PCDH15: variants seen among roughly 807,000 people sequenced by gnomAD.
The protein encoded by PCDH15 is protocadherin-15.
In PCDH15, 129 loss-of-function variants were observed where a neutral mutation model predicts 178.5. That is an observed-to-expected ratio of 0.72 (90% CI 0.63 to 0.84). The LOEUF (loss-of-function observed/expected upper bound fraction) is 0.84. PCDH15 is among the 40% of genes least tolerant of loss of function. The pLI, the probability that PCDH15 is intolerant of heterozygous loss-of-function variation, is 0.00. For missense variants in PCDH15, 2,230 were observed against 2,099.9 expected (o/e 1.06, Z -1.21); for synonymous variants, 800 against 732.0 (o/e 1.09, Z -1.50).
At chr10:54,888,478 C>T (rs914507983) in intron 3 of PCDH15, among the ~76,000 whole-genome samples, 1 of 151,758 alleles carries the variant, frequency 6.6e-6, no homozygotes, top group African/African-American at 2.4e-5. Context: ...TATTTTGGTG[C>T]TATTACAAAT....
intron 2 of PCDH15, among the ~76,000 whole-genome samples, chr10:55,625,801 C>T (rs1837513954): frequency 6.6e-6 from 1 of 152,062 alleles, no homozygotes; most frequent in Non-Finnish European, 1.5e-5. Flanking sequence ...ACACACCTCT[C>T]AGATTTTTGT....
At chr10:54,146,536 G>C (rs989376187) in intron 14 of PCDH15, among the ~76,000 whole-genome samples, 1 of 151,638 alleles carries the variant, frequency 6.6e-6, no homozygotes, top group Non-Finnish European at 1.5e-5. Context: ...AATAACTTAA[G>C]TGTTTTTTAA....
intron 17 of PCDH15, among the ~76,000 whole-genome samples, chr10:54,073,259 TATAA>T (rs968369334): frequency 2.0e-5 from 3 of 150,726 alleles, no homozygotes; most frequent in Non-Finnish European, 4.4e-5. Context: ...GAACTATAGA[TATAA>T]ATATTTATAT....
chr10:55,440,781 A>G (rs1005408075), intron 2 of PCDH15, among the ~76,000 whole-genome samples: 4 of 152,170 alleles, frequency 2.6e-5, no homozygotes, highest in Non-Finnish European at 5.9e-5. Context: ...TTATAAAGAA[A>G]AAGTGGTTTA....
intron 2 of PCDH15, among the ~76,000 whole-genome samples, chr10:54,624,462 A>G (rs2093480444): frequency 6.6e-6 from 1 of 152,262 alleles, no homozygotes; most frequent in African/African-American, 2.4e-5. Flanking sequence ...ATAGCAAGAC[A>G]GATCTTAGTA....
intron 2 of PCDH15, among the ~76,000 whole-genome samples, chr10:55,467,578 A>G (rs1288495643): frequency 6.6e-6 from 1 of 152,124 alleles, no homozygotes; most frequent in African/African-American, 2.4e-5. Context: ...AGTTCCAGTA[A>G]GAGAATGGCA....
intron 1 of PCDH15, among the ~76,000 whole-genome samples, chr10:55,303,256 T>A (rs1843334227): frequency 6.6e-6 from 1 of 152,162 alleles, no homozygotes; most frequent in South Asian, 2.1e-4. Flanking sequence ...CGCAGCAAAG[T>A]GGGCATTCTT....
At chr10:53,876,198 G>GA (rs2080223606) in intron 26 of PCDH15, among the ~76,000 whole-genome samples, 1 of 145,466 alleles carries the variant, frequency 6.9e-6, no homozygotes, top group African/African-American at 2.5e-5. Flanking sequence ...TTGTTTTTTT[G>GA]TTTTTTTTTT....
intron 3 of PCDH15, among the ~76,000 whole-genome samples, chr10:54,422,797 C>A (rs755853387): frequency 6.6e-4 from 100 of 152,246 alleles, no homozygotes; most frequent in Non-Finnish European, 1.1e-3. Context: ...TTGATTTTGT[C>A]ATTGTCAGTT....
chr10:54,377,818 G>A (rs1197417570), intron 4 of PCDH15, among the ~76,000 whole-genome samples: 3 of 152,044 alleles, frequency 2.0e-5, no homozygotes, highest in Admixed American at 2.0e-4. Flanking sequence ...AAGAAAGACT[G>A]AGATGCAAAT....
intron 14 of PCDH15, among the ~76,000 whole-genome samples, chr10:54,146,720 A>C (rs1013993029): frequency 4.3e-4 from 65 of 151,374 alleles, no homozygotes; most frequent in African/African-American, 1.5e-3. Context: ...TTTTCAGTCA[A>C]TATTACTACA....
At chr10:54,919,749 C>T (rs1837437373) in intron 2 of PCDH15, among the ~76,000 whole-genome samples, 2 of 152,092 alleles carry the variant, frequency 1.3e-5, no homozygotes, top group Non-Finnish European at 2.9e-5. Flanking sequence ...CATAGGTAAC[C>T]CAACAGATTT....
intron 3 of PCDH15, among the ~76,000 whole-genome samples, chr10:54,415,902 T>C (rs1025716967): frequency 6.6e-6 from 1 of 152,146 alleles, no homozygotes; most frequent in East Asian, 1.9e-4. Context: ...GTATTTCCAA[T>C]GACAACTGAA....
At chr10:55,572,477 C>T (rs1842423929) in intron 2 of PCDH15, among the ~76,000 whole-genome samples, 1 of 151,452 alleles carries the variant, frequency 6.6e-6, no homozygotes, top group Non-Finnish European at 1.5e-5. Flanking sequence ...TTATTTACTG[C>T]CTTCATTATG....
chr10:55,411,096 A>G (rs982149532), intron 2 of PCDH15, among the ~76,000 whole-genome samples: 12 of 152,134 alleles, frequency 7.9e-5, no homozygotes, highest in Non-Finnish European at 1.8e-4. Flanking sequence ...GAAAAACAGG[A>G]TTTCATGTCC....
chr10:54,946,901 A>G (rs1838212523), intron 2 of PCDH15, among the ~76,000 whole-genome samples: 1 of 151,896 alleles, frequency 6.6e-6, no homozygotes, highest in African/African-American at 2.4e-5. Context: ...ATAAAACACA[A>G]TATTTGAGAA....
chr10:55,320,232 G>C (rs34984089), upstream of PCDH15, among the ~76,000 whole-genome samples: 29,674 of 152,062 alleles, frequency 0.2, 3,134 homozygotes, highest in African/African-American at 0.27. Context: ...ACTGTTGCTG[G>C]TATGAGTGCA....
intron 2 of PCDH15, among the ~76,000 whole-genome samples, chr10:55,433,506 A>G (rs1838942753): frequency 6.6e-6 from 1 of 152,140 alleles, no homozygotes; most frequent in Admixed American, 6.5e-5. Context: ...TAATCTGAAC[A>G]CCAAATCCCG....
intron 2 of PCDH15, among the ~76,000 whole-genome samples, chr10:55,432,375 A>G (rs759141114): frequency 6.6e-5 from 10 of 152,320 alleles, no homozygotes; most frequent in South Asian, 2.1e-4. Flanking sequence ...TCTGAGTGCT[A>G]TGGAAGGCAT....
Sources: gnomAD v4.1 joint callset for allele counts (sites outside exome capture counted in the v4.1 genomes callset) on GRCh38, gnomAD v4.1.1 for gene constraint, MANE v1.5 for transcripts, NCBI Gene and HGNC (gene_info 2026-07-23, HGNC 2026-07-21) for gene names.